Variants in TSHZ2 observed in about 807,000 individuals in gnomAD.
TSHZ2 encodes the protein teashirt homolog 2.
In TSHZ2, 21 loss-of-function variants were observed where a neutral mutation model predicts 74.4. That is an observed-to-expected ratio of 0.28 (90% CI 0.20 to 0.41). TSHZ2 has a LOEUF of 0.41. Among genes scored for constraint, TSHZ2 ranks in the 10% least tolerant of loss-of-function variants. TSHZ2 has a pLI of 1.00. For missense variants in TSHZ2, 1,244 were observed against 1,293.5 expected, an observed-to-expected ratio of 0.96 and a Z score of 0.59; for synonymous variants, 540 against 515.3, an observed-to-expected ratio of 1.05 and a Z score of -0.65.
At chr20:52,987,982 A>T (rs1156980576) in intron 1 of TSHZ2, among the ~76,000 whole-genome samples, 1 of 152,108 alleles carries the variant, frequency 6.6e-6, no homozygotes, top group Non-Finnish European at 1.5e-5. Flanking sequence ...TATCTGTTTC[A>T]TATTTTTTCA....
intron 1 of TSHZ2, among the ~76,000 whole-genome samples, chr20:53,023,382 A>T (rs903943137): frequency 2.0e-5 from 3 of 152,222 alleles, no homozygotes; most frequent in Admixed American, 1.3e-4. Flanking sequence ...TCTTCCTCTG[A>T]ATTGTTAAGC....
At chr20:53,324,154 G>A (rs928127730) in intron 2 of TSHZ2, among the ~76,000 whole-genome samples, 2 of 152,122 alleles carry the variant, frequency 1.3e-5, no homozygotes, top group African/African-American at 2.4e-5. Context: ...TTGAGAGAAT[G>A]CCTCCACTCA....
chr20:53,336,403 C>G (rs1056618690), intron 2 of TSHZ2, among the ~76,000 whole-genome samples: 6 of 152,116 alleles, frequency 3.9e-5, no homozygotes, highest in Non-Finnish European at 4.4e-5. Context: ...TTTATTAAAC[C>G]TAAGAAGCTG....
intron 2 of TSHZ2, among the ~76,000 whole-genome samples, chr20:53,438,869 G>A (rs189116275): frequency 1.4e-4 from 21 of 152,268 alleles, no homozygotes; most frequent in Admixed American, 3.9e-4. Context: ...CTGAGGCTGC[G>A]GAATCGCTTG....
At chr20:53,068,806 C>T (rs952554319) in intron 1 of TSHZ2, among the ~76,000 whole-genome samples, 45 of 151,868 alleles carry the variant, frequency 3.0e-4, no homozygotes, top group African/African-American at 1.1e-3. Flanking sequence ...TTCATGCACT[C>T]TTTGGATTTT....
At chr20:53,176,121 C>T (rs1289176776) in intron 1 of TSHZ2, among the ~76,000 whole-genome samples, 1 of 152,212 alleles carries the variant, frequency 6.6e-6, no homozygotes, top group Non-Finnish European at 1.5e-5. Flanking sequence ...AGGTGCTGAA[C>T]TGCTGGAGTT....
intron 1 of TSHZ2, among the ~76,000 whole-genome samples, chr20:53,145,462 G>T (rs546135361): frequency 9.2e-5 from 14 of 152,234 alleles, no homozygotes; most frequent in African/African-American, 3.4e-4. Context: ...TTCTTTGGTT[G>T]TTGATCCTGG....
chr20:53,233,894 T>C (rs1989882382), intron 1 of TSHZ2, among the ~76,000 whole-genome samples: 1 of 152,220 alleles, frequency 6.6e-6, no homozygotes, highest in African/African-American at 2.4e-5. Flanking sequence ...AATAACATGC[T>C]TTGGATTTTC....
chr20:53,362,722 A>G (rs1981114949), intron 2 of TSHZ2, among the ~76,000 whole-genome samples: 1 of 152,140 alleles, frequency 6.6e-6, no homozygotes, highest in Admixed American at 6.5e-5. Context: ...TTGCTTTACC[A>G]TATGTTCTAG....
intron 1 of TSHZ2, among the ~76,000 whole-genome samples, chr20:53,119,003 A>G (rs2123345091): frequency 6.6e-6 from 1 of 152,116 alleles, no homozygotes; most frequent in South Asian, 2.1e-4. Context: ...AAATAACCAG[A>G]TGTTGCAAGA....
chr20:53,051,054 T>C (rs1006859757), intron 1 of TSHZ2, among the ~76,000 whole-genome samples: 1 of 152,188 alleles, frequency 6.6e-6, no homozygotes, highest in Non-Finnish European at 1.5e-5. Context: ...AGAAGCATAT[T>C]GTAGCTGGGC....
intron 1 of TSHZ2, among the ~76,000 whole-genome samples, chr20:53,198,463 T>C (rs938314062): frequency 6.6e-6 from 1 of 152,188 alleles, no homozygotes; most frequent in Non-Finnish European, 1.5e-5. Flanking sequence ...ATAGGGAAAT[T>C]GAGGAGTAAT....
chr20:53,189,314 A>G (rs1045158266), intron 1 of TSHZ2, among the ~76,000 whole-genome samples: 1 of 152,210 alleles, frequency 6.6e-6, no homozygotes, highest in Non-Finnish European at 1.5e-5. Flanking sequence ...GTCAGACCAT[A>G]AAGTGGTGCA....
intron 1 of TSHZ2, among the ~76,000 whole-genome samples, chr20:53,027,563 T>C (rs1305373957): frequency 6.6e-6 from 1 of 152,072 alleles, no homozygotes; most frequent in African/African-American, 2.4e-5. Context: ...AGCCTGGAAT[T>C]GGTAAAAGAC....
At chr20:53,228,982 A>G (rs1470390812) in intron 1 of TSHZ2, among the ~76,000 whole-genome samples, 1 of 152,202 alleles carries the variant, frequency 6.6e-6, no homozygotes. Flanking sequence ...ATCATTCTTC[A>G]GATCAGTTTT....
At chr20:53,402,476 C>T (rs1982703973) in intron 2 of TSHZ2, among the ~76,000 whole-genome samples, 1 of 152,104 alleles carries the variant, frequency 6.6e-6, no homozygotes, top group Admixed American at 6.6e-5. Flanking sequence ...GAGGCTATGC[C>T]ATCTAGGTTT....
chr20:53,077,952 T>C (rs1985417659), intron 1 of TSHZ2, among the ~76,000 whole-genome samples: 1 of 152,236 alleles, frequency 6.6e-6, no homozygotes, highest in Non-Finnish European at 1.5e-5. Context: ...AAATGTGCCC[T>C]GTGTACAATG....
At chr20:53,326,077 C>A (rs1472054365) in intron 2 of TSHZ2, among the ~76,000 whole-genome samples, 1 of 152,192 alleles carries the variant, frequency 6.6e-6, no homozygotes, top group Non-Finnish European at 1.5e-5. Flanking sequence ...CCACCGCGCC[C>A]CACCCAACCT....
In TSHZ2 at chr20:53,074,879, A is replaced by G. The variant is rs142087648; in HGVS notation, c.40+101546A>G. The stretch of plus-strand genomic sequence containing the variant: ...AGAAGCAAATGACTTACTTGAAGTC[A>G]TCCAGCTCATCAGAAAGAACCCCAA... On this transcript the variant is annotated intron_variant, in intron 1 of 2. Transcript: ENST00000371497. The surrounding 1 kb of genome is among the most constrained non-coding windows in gnomAD (Gnocchi z 5.9). 5.9e-5 allele frequency among the ~76,000 whole-genome samples: 9 copies of G among 152,348 alleles called. No homozygotes were observed. The East Asian group carries it at 1.5e-3, about 26-fold the overall frequency.
Sources: gnomAD v4.1 joint callset for allele counts (sites outside exome capture counted in the v4.1 genomes callset) on GRCh38, gnomAD v4.1.1 for gene constraint, Gnocchi (gnomAD v3.1) non-coding constraint, MANE v1.5 for transcripts, NCBI Gene and HGNC (gene_info 2026-07-23, HGNC 2026-07-21) for gene names.